Variants in FUT9 observed in about 807,000 individuals in gnomAD.
FUT9 encodes 4-galactosyl-N-acetylglucosaminide 3-alpha-L-fucosyltransferase 9.
FUT9 carries 15 observed loss-of-function variants against 29.7 expected under a neutral mutation model. The observed-to-expected ratio is 0.51, with a 90% CI of 0.34 to 0.78. The LOEUF is 0.78. FUT9 is among the 30% of genes least tolerant of loss of function. The pLI is 0.01. For synonymous variants in FUT9, 169 were observed against 153.7 expected (o/e 1.10, Z -0.74); for missense variants, 319 against 425.4 (o/e 0.75, Z 2.20).
At chr6:96,064,309 TG>T (rs1475294162) in intron 1 of FUT9, among the ~76,000 whole-genome samples, 4 of 152,302 alleles carry the variant, frequency 2.6e-5, no homozygotes, top group African/African-American at 9.6e-5. Context: ...TGGGTCTCCC[TG>T]CTGAGAAGGA....
rs548491276 is a variant in FUT9 at position 96,206,575 on chromosome 6, G to C, written c.*2340G>C. ...CCTCCCAGGTTCAAGTGATTCTCCTGTATCAGCCTCCCGAGTAGCTAGGAT... is the reference window on the plus strand; with the variant it reads ...CCTCCCAGGTTCAAGTGATTCTCCTCTATCAGCCTCCCGAGTAGCTAGGAT... On this transcript the variant is annotated 3_prime_UTR_variant, in exon 3 of 3. Coordinates refer to ENST00000302103, the MANE Select transcript of FUT9 (RefSeq NM_006581.4). The C allele has an allele frequency of 6.0e-6, 1 of 166,168 alleles. No individual in the cohort carries two copies. The highest frequency in any genetic ancestry group is 2.1e-4 in the South Asian group (1 of 4,828). The allele number at this position is 166,168 out of a possible 1,614,324, so 10.3% of individuals were successfully genotyped here.
intron 1 of FUT9, among the ~76,000 whole-genome samples, chr6:96,075,450 A>G (rs1158288868): frequency 6.6e-6 from 1 of 152,184 alleles, no homozygotes; most frequent in African/African-American, 2.4e-5. Context: ...TGCTTCAGAA[A>G]TGAATCTCAC....
At chr6:96,056,880 A>G (rs960383336) in intron 1 of FUT9, among the ~76,000 whole-genome samples, 32 of 152,224 alleles carry the variant, frequency 2.1e-4, no homozygotes, top group Non-Finnish European at 3.4e-4. Context: ...GGATTTTTAA[A>G]TTTAAGATGG....
intron 1 of FUT9, among the ~76,000 whole-genome samples, chr6:96,096,909 A>T (rs1369002523): frequency 6.6e-6 from 1 of 152,010 alleles, no homozygotes; most frequent in African/African-American, 2.4e-5. Context: ...CAATGAGGGG[A>T]GGAATTTTTA....
rs1042809869 is a variant in FUT9 at position 96,211,244 on chromosome 6, A to C, written c.*7009A>C. 1 of 166,638 alleles carries C rather than the reference A, an allele frequency of 6.0e-6. No homozygotes were observed. The allele number at this position is 166,638 out of a possible 1,614,324, so 10.3% of individuals were successfully genotyped here. ...ATTGTTTGCATTACTAAATATATAT[A>C]CCATTTCTTAAGATAATTGGAACTC... On this transcript the variant is annotated 3_prime_UTR_variant, in exon 3 of 3. Transcript: ENST00000302103.
intron 2 of FUT9, among the ~76,000 whole-genome samples, chr6:96,125,519 A>C (rs922808310): frequency 6.6e-6 from 1 of 152,202 alleles, no homozygotes; most frequent in Non-Finnish European, 1.5e-5. Flanking sequence ...GTCGGCACTT[A>C]ATAAATGTAA....
intron 1 of FUT9, among the ~76,000 whole-genome samples, chr6:96,023,297 G>A (rs1770106486): frequency 6.6e-6 from 1 of 151,918 alleles, no homozygotes; most frequent in African/African-American, 2.4e-5. Context: ...TTGACAATCA[G>A]AACCCTGAAT....
intron 1 of FUT9, among the ~76,000 whole-genome samples, chr6:96,073,068 A>T (rs1251460124): frequency 6.6e-6 from 1 of 152,194 alleles, no homozygotes; most frequent in African/African-American, 2.4e-5. Flanking sequence ...CAATGTGAGC[A>T]CAGGGAACAC....
chr6:96,207,410 C>T lies in FUT9; in HGVS notation c.*3175C>T, dbSNP rs573534349. The T allele has an allele frequency of 6.0e-6, 1 of 167,108 alleles. No homozygotes were observed. Among genetic ancestry groups the T allele is most frequent in the Non-Finnish European group, 1.5e-5 (1 of 68,090 alleles). 10.4% of individuals were successfully genotyped at this position (167,108 alleles called of 1,614,324 possible). On this transcript the variant is annotated 3_prime_UTR_variant, in exon 3 of 3. Coordinates refer to ENST00000302103, the MANE Select transcript of FUT9 (RefSeq NM_006581.4). ...TATTTTTAGGGCCTATAGAATGGTACACCTCATGTAGAAGAACTTCGACTT... is the reference window on the plus strand; with the variant it reads ...TATTTTTAGGGCCTATAGAATGGTATACCTCATGTAGAAGAACTTCGACTT...
At chr6:96,044,882 G>C (rs1770535111) in intron 1 of FUT9, among the ~76,000 whole-genome samples, 1 of 152,102 alleles carries the variant, frequency 6.6e-6, no homozygotes, top group Non-Finnish European at 1.5e-5. Context: ...AATTTACACT[G>C]TTTATTTTAA....
intron 1 of FUT9, among the ~76,000 whole-genome samples, chr6:96,052,357 T>C (rs1015836247): frequency 6.6e-6 from 1 of 152,190 alleles, no homozygotes; most frequent in Admixed American, 6.5e-5. Context: ...TAAAAAGAAC[T>C]GAAATGTCTG....
intron 2 of FUT9, among the ~76,000 whole-genome samples, chr6:96,197,791 T>C (rs1043069375): frequency 6.6e-6 from 1 of 152,192 alleles, no homozygotes; most frequent in Non-Finnish European, 1.5e-5. Flanking sequence ...GGCTGCAATC[T>C]GGGAATAATG....
At chr6:96,052,732 C>T (rs2127939207) in intron 1 of FUT9, among the ~76,000 whole-genome samples, 1 of 151,992 alleles carries the variant, frequency 6.6e-6, no homozygotes, top group East Asian at 1.9e-4. Context: ...GAAATGACTA[C>T]ACTATAATTA....
chr6:96,168,920 T>C (rs1017094964), intron 2 of FUT9, among the ~76,000 whole-genome samples: 15 of 152,100 alleles, frequency 9.9e-5, no homozygotes, highest in African/African-American at 3.6e-4. Flanking sequence ...CTCATAGGAA[T>C]AAAGCTTATC....
chr6:96,173,473 T>C (rs917900990), intron 2 of FUT9, among the ~76,000 whole-genome samples: 3 of 152,150 alleles, frequency 2.0e-5, no homozygotes, highest in African/African-American at 7.2e-5. Context: ...AGTTGGAGAA[T>C]GTATCACACA....
intron 2 of FUT9, among the ~76,000 whole-genome samples, chr6:96,160,708 T>C (rs1772881965): frequency 1.3e-5 from 2 of 152,180 alleles, no homozygotes; most frequent in African/African-American, 4.8e-5. Context: ...AGCTCTTATC[T>C]ATGGAAATAG....
chr6:96,095,830 G>A (rs1771485972), intron 1 of FUT9, among the ~76,000 whole-genome samples: 2 of 152,014 alleles, frequency 1.3e-5, no homozygotes, highest in African/African-American at 4.8e-5. Context: ...GTAACCATGG[G>A]CTAGCGATCT....
At chr6:96,190,046 G>A (rs200862335) in intron 2 of FUT9, among the ~76,000 whole-genome samples, 36 of 152,068 alleles carry the variant, frequency 2.4e-4, no homozygotes, top group Non-Finnish European at 3.4e-4. Flanking sequence ...GGTTGGTACC[G>A]GTTGTTCCTT....
chr6:96,202,793 C>G (rs1307222589), intron 2 of FUT9, among the ~76,000 whole-genome samples: 1 of 152,008 alleles, frequency 6.6e-6, no homozygotes, highest in Admixed American at 6.6e-5. Flanking sequence ...GATGTGGTTA[C>G]AAAATACTAA....
Sources: gnomAD v4.1 joint callset for allele counts (sites outside exome capture counted in the v4.1 genomes callset) on GRCh38, gnomAD v4.1.1 for gene constraint, MANE v1.5 for transcripts, NCBI Gene and HGNC (gene_info 2026-07-23, HGNC 2026-07-21) for gene names.